PRKCH: variants seen among roughly 807,000 people sequenced by gnomAD.
The protein encoded by PRKCH is protein kinase C eta.
Under a neutral mutation model 82.5 loss-of-function variants are expected in PRKCH, and 28 were observed. The ratio of observed to expected loss-of-function variants is 0.34; its 90% confidence interval spans 0.25 to 0.47. The LOEUF is 0.47. Among genes scored for constraint, PRKCH ranks in the 20% least tolerant of loss-of-function variants. The probability of loss-of-function intolerance (pLI) is 1.00; values close to 1 mark genes in which losing one functional copy is unlikely to be tolerated. For synonymous variants in PRKCH, 322 were observed against 327.4 expected (o/e 0.98, Z 0.18); for missense variants, 705 against 881.8 (o/e 0.80, Z 2.54).
chr14:61,323,074 A>G (rs4899038), intron 1 of PRKCH, among the ~76,000 whole-genome samples: 127,840 of 152,002 alleles, frequency 0.84, 54,984 homozygotes, highest in South Asian at 0.93. Context: ...TATACTTGCA[A>G]GTAACTTAGT....
chr14:61,195,249 A>G (rs1004096147), intron 1 of PRKCH, among the ~76,000 whole-genome samples: 2 of 152,196 alleles, frequency 1.3e-5, no homozygotes, highest in Non-Finnish European at 2.9e-5. Flanking sequence ...CAATGAGTTT[A>G]TCTTCTATCT....
At chr14:61,235,773 G>A (rs1032057830) in intron 1 of PRKCH, among the ~76,000 whole-genome samples, 1 of 152,060 alleles carries the variant, frequency 6.6e-6, no homozygotes, top group Non-Finnish European at 1.5e-5. Context: ...TTCACAAATC[G>A]GGCAGCCCCA....
intron 1 of PRKCH, among the ~76,000 whole-genome samples, chr14:61,354,787 A>G (rs2046127516): frequency 6.6e-6 from 1 of 152,180 alleles, no homozygotes; most frequent in African/African-American, 2.4e-5. Flanking sequence ...AGTCACAGTT[A>G]TATTGTGTAC....
chr14:61,500,368 T>C (rs1378495731), intron 10 of PRKCH, among the ~76,000 whole-genome samples: 1 of 151,914 alleles, frequency 6.6e-6, no homozygotes, highest in Non-Finnish European at 1.5e-5. Context: ...CAGCTAATTT[T>C]TGTAATATTT....
chr14:61,468,683 T>C (rs1885369391), intron 9 of PRKCH, among the ~76,000 whole-genome samples: 1 of 152,234 alleles, frequency 6.6e-6, no homozygotes, highest in Non-Finnish European at 1.5e-5. Context: ...GGCCTGTTTT[T>C]TTCAGTTTGA....
chr14:61,227,549 C>T (rs887020053), intron 1 of PRKCH, among the ~76,000 whole-genome samples: 12 of 152,036 alleles, frequency 7.9e-5, no homozygotes, highest in Middle Eastern at 3.2e-3. Context: ...AGCAGAGATG[C>T]GCCACTGCAC....
chr14:61,420,182 C>T (rs573697770), intron 2 of PRKCH, among the ~76,000 whole-genome samples: 2 of 151,712 alleles, frequency 1.3e-5, no homozygotes, highest in African/African-American at 2.4e-5. Context: ...TGCCTCTGTA[C>T]GTGTGTGTGT....
intron 1 of PRKCH, among the ~76,000 whole-genome samples, chr14:61,220,867 A>T (rs2044650695): frequency 6.6e-6 from 1 of 152,186 alleles, no homozygotes; most frequent in African/African-American, 2.4e-5. Context: ...TTTAATTTTT[A>T]TTTATTCCTG....
chr14:61,469,738 T>C (rs1396448014), intron 9 of PRKCH, among the ~76,000 whole-genome samples: 1 of 152,224 alleles, frequency 6.6e-6, no homozygotes, highest in Non-Finnish European at 1.5e-5. Context: ...TCCGGAATTA[T>C]CCACAGCATC....
chr14:61,453,482 T>C, intron 7 of PRKCH, 129 bp downstream of exon 7: 1 of 785,146 alleles, frequency 1.3e-6, no homozygotes, highest in Admixed American at 4.2e-5. Context: ...CTTATTGCCT[T>C]TCTTTCTTTC....
intron 9 of PRKCH, among the ~76,000 whole-genome samples, chr14:61,464,449 A>G (rs1253536273): frequency 1.3e-5 from 2 of 151,834 alleles, no homozygotes; most frequent in Non-Finnish European, 2.9e-5. Context: ...GGTTTGTTAC[A>G]TAGGTGTACA....
intron 1 of PRKCH, among the ~76,000 whole-genome samples, chr14:61,213,165 T>TA (rs1340457007): frequency 6.6e-6 from 1 of 152,160 alleles, no homozygotes; most frequent in Non-Finnish European, 1.5e-5. Flanking sequence ...ATTAAGTTGT[T>TA]ACGAATTTTG....
At chr14:61,353,667 A>G (rs1310247308) in intron 1 of PRKCH, 1 of 152,330 alleles carries the variant, frequency 6.6e-6, no homozygotes, top group Middle Eastern at 3.1e-3. Flanking sequence ...ATGGTGGCTC[A>G]TACCTGTAAC....
intron 1 of PRKCH, among the ~76,000 whole-genome samples, chr14:61,362,272 T>A (rs989308477): frequency 6.6e-6 from 1 of 150,484 alleles, no homozygotes; most frequent in African/African-American, 2.5e-5. Context: ...GCCCAGGAAT[T>A]CGAGGTTACA....
intron 9 of PRKCH, chr14:61,463,363 A>G (rs1885112900): frequency 6.6e-6 from 1 of 152,330 alleles, no homozygotes; most frequent in Middle Eastern, 3.4e-3. Flanking sequence ...TTGAGAAGGT[A>G]AGTATTTTAT....
chr14:61,524,110 G>T (rs796848122), intron 10 of PRKCH, among the ~76,000 whole-genome samples: 2 of 152,104 alleles, frequency 1.3e-5, no homozygotes. Context: ...CTCTCAACTC[G>T]CTTTCCTTTA....
At chr14:61,263,400 G>A (rs1266962888) in intron 1 of PRKCH, among the ~76,000 whole-genome samples, 2 of 152,004 alleles carry the variant, frequency 1.3e-5, no homozygotes, top group African/African-American at 4.8e-5. Context: ...GTTATTGTGT[G>A]TTTGTGTATC....
At chr14:61,346,699 G>A (rs1477506075) in intron 1 of PRKCH, among the ~76,000 whole-genome samples, 1 of 152,150 alleles carries the variant, frequency 6.6e-6, no homozygotes, top group Non-Finnish European at 1.5e-5. Context: ...GTACTATGGT[G>A]TTAATGCAGA....
At chr14:61,504,947 A>G (rs547438431) in intron 10 of PRKCH, among the ~76,000 whole-genome samples, 1 of 152,306 alleles carries the variant, frequency 6.6e-6, no homozygotes, top group South Asian at 2.1e-4. Context: ...TGGAGATATA[A>G]TAGTGACCAC....
Sources: gnomAD v4.1 joint callset for allele counts (sites outside exome capture counted in the v4.1 genomes callset) on GRCh38, gnomAD v4.1.1 for gene constraint, MANE v1.5 for transcripts, NCBI Gene and HGNC (gene_info 2026-07-23, HGNC 2026-07-21) for gene names.